The following KCNH1 variants were observed in gnomAD, a reference collection of about 807,000 sequenced individuals.
KCNH1 encodes potassium voltage-gated channel subfamily H member 1, also known as voltage-gated delayed rectifier potassium channel KCNH1.
A neutral mutation model predicts 69.2 loss-of-function variants in KCNH1; 27 were observed. That is an observed-to-expected ratio of 0.39 (90% confidence interval 0.29 to 0.54). The LOEUF (loss-of-function observed/expected upper bound fraction) is 0.54. KCNH1 is among the 20% of genes least tolerant of loss of function. The pLI is 0.68. For missense variants in KCNH1, 798 were observed against 1,261.6 expected, an observed-to-expected ratio of 0.63 and a Z score of 5.57; for synonymous variants, 456 against 487.7, an observed-to-expected ratio of 0.93 and a Z score of 0.86.
At chr1:210,725,341 CA>C (rs1349983224) in intron 10 of KCNH1, among the ~76,000 whole-genome samples, 1 of 152,172 alleles carries the variant, frequency 6.6e-6, no homozygotes, top group Non-Finnish European at 1.5e-5. Context: ...TACATTAATT[CA>C]AGATACATTT....
chr1:211,015,557 C>T (rs994237059), intron 6 of KCNH1, among the ~76,000 whole-genome samples: 6 of 152,238 alleles, frequency 3.9e-5, no homozygotes, highest in Non-Finnish European at 7.4e-5. Flanking sequence ...AAAGAGGTCA[C>T]GGTGCTAGGA....
intron 5 of KCNH1, among the ~76,000 whole-genome samples, chr1:211,048,127 A>G (rs552130482): frequency 6.6e-6 from 1 of 152,330 alleles, no homozygotes; most frequent in African/African-American, 2.4e-5. Context: ...CAAAACCACA[A>G]TGCGATACTA....
At chr1:210,805,770 C>T (rs1684538471) in intron 7 of KCNH1, among the ~76,000 whole-genome samples, 1 of 152,176 alleles carries the variant, frequency 6.6e-6, no homozygotes, top group Admixed American at 6.5e-5. Flanking sequence ...AAGCCCCTTG[C>T]CCTAGGCAAC....
At chr1:210,882,959 G>A (rs146889330) in intron 7 of KCNH1, among the ~76,000 whole-genome samples, 2 of 152,262 alleles carry the variant, frequency 1.3e-5, no homozygotes, top group African/African-American at 4.8e-5. Flanking sequence ...AAAAGACTGT[G>A]AAGTATGCAG....
intron 7 of KCNH1, among the ~76,000 whole-genome samples, chr1:210,833,686 G>A (rs934054209): frequency 1.3e-5 from 2 of 152,074 alleles, no homozygotes; most frequent in African/African-American, 4.8e-5. Flanking sequence ...TGACAAATGG[G>A]ATCTAATTAA....
intron 6 of KCNH1, among the ~76,000 whole-genome samples, chr1:211,017,019 T>A (rs1689505406): frequency 6.6e-6 from 1 of 151,822 alleles, no homozygotes; most frequent in Admixed American, 6.6e-5. Flanking sequence ...ACTCATTTCA[T>A]CCCCCTACAA....
rs1681236871 is a variant in KCNH1 at position 210,680,374 on chromosome 1, G to A, written c.*2907C>T. The A allele has an allele frequency of 6.6e-6, 1 of 151,890 alleles. No individual in the cohort carries two copies. Among genetic ancestry groups the A allele is most frequent in the African/African-American group, 2.4e-5 (1 of 41,338 alleles). The allele number at this position is 151,890 out of a possible 1,614,324, so 9.4% of individuals were successfully genotyped here. A position where few individuals can be genotyped will look rare whatever the true frequency, so the allele number is the denominator to read the frequency against. ...ATAATGGTGCCACATATCATGCCCC[G>A]ACTCCTCAAAGAGGAAAAACATACA... On this transcript the variant is annotated 3_prime_UTR_variant, in exon 11 of 11. Coordinates refer to ENST00000271751, the MANE Select transcript of KCNH1 (RefSeq NM_172362.3).
chr1:210,908,876 C>A (rs558843839), intron 7 of KCNH1, among the ~76,000 whole-genome samples: 1 of 152,174 alleles, frequency 6.6e-6, no homozygotes, highest in Admixed American at 6.5e-5. Flanking sequence ...AAGCAGGGCA[C>A]GTGCAGCTCT....
chr1:211,084,796 C>T (rs772475303), intron 4 of KCNH1, among the ~76,000 whole-genome samples: 2 of 152,110 alleles, frequency 1.3e-5, no homozygotes, highest in African/African-American at 4.8e-5. Flanking sequence ...AATCATGCCT[C>T]GCCAGATGAA....
At chr1:210,938,058 T>C (rs1489572212) in intron 6 of KCNH1, among the ~76,000 whole-genome samples, 2 of 152,232 alleles carry the variant, frequency 1.3e-5, no homozygotes, top group African/African-American at 2.4e-5. Flanking sequence ...CTTGGTCATG[T>C]CATTGGAATG....
intron 7 of KCNH1, among the ~76,000 whole-genome samples, chr1:210,806,155 T>C (rs745621365): frequency 1.3e-5 from 2 of 152,252 alleles, no homozygotes; most frequent in Non-Finnish European, 2.9e-5. Flanking sequence ...ATTTCCAAAG[T>C]AACTGCACCA....
At chr1:211,124,542 G>T (rs138307473) in intron 1 of KCNH1, among the ~76,000 whole-genome samples, 1 of 152,026 alleles carries the variant, frequency 6.6e-6, no homozygotes, top group Non-Finnish European at 1.5e-5. Context: ...TGCTCAGAAG[G>T]CTAAGCCAGG....
chr1:210,801,174 G>T, intron 8 of KCNH1, among the ~76,000 whole-genome samples: 1 of 152,224 alleles, frequency 6.6e-6, no homozygotes, highest in Non-Finnish European at 1.5e-5. Context: ...TAAAATTCAT[G>T]TTTCCATGAG....
At chr1:211,047,327 TA>T (rs1298561873) in intron 5 of KCNH1, among the ~76,000 whole-genome samples, 6 of 152,136 alleles carry the variant, frequency 3.9e-5, no homozygotes, top group Admixed American at 6.6e-5. Flanking sequence ...ATATACATAT[TA>T]AACAACAAAA....
intron 6 of KCNH1, among the ~76,000 whole-genome samples, chr1:211,018,425 A>G (rs1689531212): frequency 6.6e-6 from 1 of 152,264 alleles, no homozygotes; most frequent in Admixed American, 6.5e-5. Context: ...AAAAGTCTGC[A>G]TAACTAGAAT....
chr1:210,814,604 A>C (rs937150541), intron 7 of KCNH1, among the ~76,000 whole-genome samples: 2 of 152,214 alleles, frequency 1.3e-5, no homozygotes, highest in African/African-American at 4.8e-5. Context: ...TGGCCCTGTC[A>C]CTAAGTCAAG....
intron 6 of KCNH1, among the ~76,000 whole-genome samples, chr1:210,943,412 G>A (rs534382856): frequency 2.3e-4 from 35 of 151,810 alleles, no homozygotes; most frequent in Non-Finnish European, 4.7e-4. Context: ...GCAGTGGCAC[G>A]ATCTTGGCTC....
intron 7 of KCNH1, among the ~76,000 whole-genome samples, chr1:210,840,191 A>G (rs1685375689): frequency 6.6e-6 from 1 of 152,230 alleles, no homozygotes; most frequent in East Asian, 1.9e-4. Context: ...TACACACCTC[A>G]GATAATAACT....
At chr1:211,043,934 C>T (rs1043537294) in intron 5 of KCNH1, among the ~76,000 whole-genome samples, 2 of 152,082 alleles carry the variant, frequency 1.3e-5, no homozygotes, top group Admixed American at 1.3e-4. Context: ...ATACAAGGGA[C>T]ATACCTTAAT....
Sources: gnomAD v4.1 joint callset for allele counts (sites outside exome capture counted in the v4.1 genomes callset) on GRCh38, gnomAD v4.1.1 for gene constraint, MANE v1.5 for transcripts, NCBI Gene and HGNC (gene_info 2026-07-23, HGNC 2026-07-21) for gene names.